Variants in VPS13D observed in about 807,000 individuals in gnomAD.
VPS13D encodes the protein intermembrane lipid transfer protein VPS13D.
VPS13D carries 187 observed loss-of-function variants against 461.9 expected under a neutral mutation model. That is an observed-to-expected ratio of 0.40 (90% CI 0.36 to 0.46). The LOEUF is 0.46. VPS13D is among the 20% of genes least tolerant of loss of function. VPS13D has a pLI of 0.60. For synonymous variants in VPS13D, 1,951 were observed against 1,986.3 expected, an observed-to-expected ratio of 0.98 and a Z score of 0.47; for missense variants, 4,711 against 5,364.9, an observed-to-expected ratio of 0.88 and a Z score of 3.81.
chr1:12,282,771 G>C lies in VPS13D; in HGVS notation c.4669G>C (p.Asp1557His). The change falls in exon 21 of 70, where the codon GAT becomes CAT. Residue 1557 changes from aspartate to histidine, a missense_variant. Asp to His is a moderately conservative substitution (Grantham distance 81). This residue lies in a region of VPS13D where 4,411 missense variants were observed against 4,937.8 expected (regional missense o/e 0.89). Coordinates refer to ENST00000620676, the MANE Select transcript of VPS13D (RefSeq NM_015378.4). ...QTLDNLVYSE[D>H]LNKYPASATS... ...CCTGGACAATCTCGTGTACAGTGAA[G>C]ATCTGAATAAGTATCCAGCCAGTGC... 1 of 1,614,120 alleles carries C rather than the reference G, an allele frequency of 6.2e-7. No homozygotes were observed. Among genetic ancestry groups the C allele is most frequent in the Non-Finnish European group, 8.5e-7 (1 of 1,180,016 alleles).
rs563852197 is a variant in VPS13D, at chr1:12,282,814, C to G, written c.4712C>G (p.Pro1571Arg). Residue 1571 changes from proline to arginine, a missense_variant, in exon 21 of 70, where the codon CCT (proline) becomes CGT (arginine). Coordinates refer to ENST00000620676, the MANE Select transcript of VPS13D (RefSeq NM_015378.4). ...YPASATSSPC[P>R]DSPLPPLSTC... ...GCCAGTGCTACCTCCTCCCCTTGCC[C>G]TGATTCTCCTCTGCCTCCCCTCAGT... The G allele has an allele frequency of 4.3e-6, 7 of 1,614,154 alleles. No individual in the cohort carries two copies. The South Asian group carries it at 6.6e-5, about 15-fold the overall frequency.
intron 13 of VPS13D, among the ~76,000 whole-genome samples, chr1:12,265,947 C>A (rs1357736754): frequency 6.6e-6 from 1 of 152,040 alleles, no homozygotes; most frequent in South Asian, 2.1e-4. Context: ...TCATTTCAGG[C>A]CAGGAGTTCA....
chr1:12,497,447 C>A (rs1403986102), intron 67 of VPS13D, 53 bp from the exon 68 acceptor site: 1 of 1,556,086 alleles, frequency 6.4e-7, no homozygotes. Context: ...AAAGGAAAAT[C>A]ATTTTAACCT....
intron 60 of VPS13D, among the ~76,000 whole-genome samples, chr1:12,388,450 T>TAA: frequency 6.6e-6 from 1 of 152,072 alleles, no homozygotes; most frequent in South Asian, 2.1e-4. Context: ...GGCACACACC[T>TAA]GTAATCCCAG....
At chr1:12,310,966 G>A (rs1442546953) in intron 27 of VPS13D, among the ~76,000 whole-genome samples, 1 of 148,720 alleles carries the variant, frequency 6.7e-6, no homozygotes, top group Non-Finnish European at 1.5e-5. Flanking sequence ...ACACAGGCTG[G>A]AATACAGTGG....
chr1:12,249,725 C>T (rs1484030017), intron 6 of VPS13D: 1 of 156,050 alleles, frequency 6.4e-6, no homozygotes, highest in Non-Finnish European at 1.4e-5. Context: ...CTTTGACCTT[C>T]ATATTCGTGG....
At position 12,277,627 on chromosome 1, in the gene VPS13D, A is replaced by G; in HGVS notation, c.4039A>G (p.Arg1347Gly). 3 of 1,614,060 alleles carry G rather than the reference A, an allele frequency of 1.9e-6. No homozygotes were observed. Among genetic ancestry groups the G allele is most frequent in the Middle Eastern group, 3.3e-4 (2 of 6,062 alleles). Residue 1347 changes from arginine to glycine, a missense_variant, in exon 19 of 70, where the codon AGG (arginine) becomes GGG (glycine). Physicochemically the swap from Arg to Gly is moderately radical, Grantham distance 125. This residue lies in a region of VPS13D where 4,411 missense variants were observed against 4,937.8 expected (regional missense o/e 0.89). Coordinates refer to ENST00000620676, the MANE Select transcript of VPS13D (RefSeq NM_015378.4). ...GATGGTATCGCTCTTTGAAACTCCA[A>G]GGAAGACTCGGGAACCCTTTATCTT... ...SEMVSLFETPRKTREPFILEE... is the reference protein window; with the variant it reads ...SEMVSLFETPGKTREPFILEE...
At chr1:12,459,541 C>T (rs1284980848) in intron 66 of VPS13D, among the ~76,000 whole-genome samples, 1 of 148,770 alleles carries the variant, frequency 6.7e-6, no homozygotes, top group African/African-American at 2.5e-5. Context: ...TGCAATGCTG[C>T]GATCTCGGCT....
intron 60 of VPS13D, among the ~76,000 whole-genome samples, chr1:12,399,256 G>A (rs1379114411): frequency 6.6e-6 from 1 of 151,122 alleles, no homozygotes; most frequent in Non-Finnish European, 1.5e-5. Flanking sequence ...GAGTGCAGTG[G>A]CGCTATCTCG....
Position 12,333,223 on chromosome 1 carries a change from T to C in VPS13D, c.8288-3T>C, listed in dbSNP as rs377737437. 2.7e-4 allele frequency: 438 copies of C among 1,613,160 alleles called. No individual in the cohort carries two copies. The highest frequency in any genetic ancestry group is 3.4e-4 in the Non-Finnish European group (404 of 1,179,604). On this transcript the variant is annotated splice_region_variant and splice_polypyrimidine_tract_variant and intron_variant, in intron 37 of 69. Coordinates refer to ENST00000620676, the MANE Select transcript of VPS13D (RefSeq NM_015378.4). Reference sequence around the variant, plus strand: ...AGATGTCTTATTTCCTGTGTTCTTTTAGGCTGGGAGCCATTTATTGAGCCT... The same window carrying C: ...AGATGTCTTATTTCCTGTGTTCTTTCAGGCTGGGAGCCATTTATTGAGCCT...
At chr1:12,504,737 G>A (rs930553513) in intron 68 of VPS13D, among the ~76,000 whole-genome samples, 8 of 152,198 alleles carry the variant, frequency 5.3e-5, no homozygotes, top group Non-Finnish European at 7.3e-5. Flanking sequence ...TCCAGAAGTG[G>A]TTCTGGCCTG....
intron 68 of VPS13D, among the ~76,000 whole-genome samples, chr1:12,499,086 G>A (rs369550850): frequency 6.6e-6 from 1 of 152,052 alleles, no homozygotes; most frequent in African/African-American, 2.4e-5. Context: ...TACCATGACT[G>A]CTCTTGATAT....
chr1:12,230,622 C>T (rs981481125), intron 1 of VPS13D, among the ~76,000 whole-genome samples: 4 of 152,086 alleles, frequency 2.6e-5, no homozygotes, highest in African/African-American at 9.7e-5. Context: ...GCCTTAGCCA[C>T]CTCCCTTAAT....
intron 30 of VPS13D, among the ~76,000 whole-genome samples, chr1:12,315,048 CAT>C (rs1322399671): frequency 6.6e-6 from 1 of 152,200 alleles, no homozygotes; most frequent in Non-Finnish European, 1.5e-5. Flanking sequence ...GCTGATATAA[CAT>C]GTTGTTTTAT....
chr1:12,506,605 G>T (rs1011442888), intron 68 of VPS13D, among the ~76,000 whole-genome samples: 1 of 152,228 alleles, frequency 6.6e-6, no homozygotes, highest in Non-Finnish European at 1.5e-5. Context: ...ACATTGAAAG[G>T]CATCGTGTTT....
At chr1:12,272,935 G>T (rs942974061) in intron 17 of VPS13D, 68 bp from the exon 18 acceptor site, 3 of 1,569,872 alleles carry the variant, frequency 1.9e-6, no homozygotes, top group African/African-American at 1.4e-5. Flanking sequence ...TTCCAGAAAT[G>T]CTTGAGCACC....
At chr1:12,463,160 G>A (rs901511928) in intron 67 of VPS13D, among the ~76,000 whole-genome samples, 3 of 152,108 alleles carry the variant, frequency 2.0e-5, no homozygotes, top group African/African-American at 4.8e-5. Context: ...AAAAGCTACC[G>A]TGATCATTGA....
chr1:12,287,885 CTGTT>C (rs746973524), intron 21 of VPS13D, among the ~76,000 whole-genome samples: 1 of 152,188 alleles, frequency 6.6e-6, no homozygotes, highest in African/African-American at 2.4e-5. Flanking sequence ...TTTAATGGAT[CTGTT>C]TGAGTTACTA....
At chr1:12,397,369 C>G (rs1437614542) in intron 60 of VPS13D, among the ~76,000 whole-genome samples, 1 of 152,216 alleles carries the variant, frequency 6.6e-6, no homozygotes, top group African/African-American at 2.4e-5. Flanking sequence ...GAGATCCTCT[C>G]CTTAGGCAGC....
Sources: allele counts gnomAD v4.1 joint callset (sites outside exome capture counted in the v4.1 genomes callset), GRCh38; gene constraint gnomAD v4.1.1; regional missense constraint gnomAD v4.1.1; transcripts MANE v1.5; gene names NCBI Gene and HGNC (gene_info 2026-07-23, HGNC 2026-07-21).